Variants in GLIS3 observed in about 807,000 individuals in gnomAD.
The protein encoded by GLIS3 is zinc finger protein GLIS3.
A neutral mutation model predicts 78.6 loss-of-function variants in GLIS3; 53 were observed. The ratio of observed to expected loss-of-function variants is 0.67; its 90% CI spans 0.54 to 0.85. GLIS3 has a LOEUF of 0.85. Ranked by LOEUF, GLIS3 falls within the 40% of genes least tolerant of loss-of-function variation. GLIS3 has a pLI of 0.00. For missense variants in GLIS3, 1,703 were observed against 1,231.1 expected, an observed-to-expected ratio of 1.38 and a Z score of -5.74; for synonymous variants, 684 against 509.9, an observed-to-expected ratio of 1.34 and a Z score of -4.60.
At chr9:4,087,305 C>T (rs767561776) in intron 4 of GLIS3, among the ~76,000 whole-genome samples, 10 of 152,086 alleles carry the variant, frequency 6.6e-5, no homozygotes, top group Non-Finnish European at 4.4e-5. Context: ...TCTCCACTTG[C>T]GGCAAAACAT....
intron 2 of GLIS3, among the ~76,000 whole-genome samples, chr9:4,216,891 T>G (rs1262320277): frequency 6.6e-6 from 1 of 152,204 alleles, no homozygotes; most frequent in African/African-American, 2.4e-5. Context: ...CCTCCTCTCT[T>G]GAATAGCAAA....
chr9:4,262,074 C>A (rs1219212818), intron 2 of GLIS3, among the ~76,000 whole-genome samples: 2 of 151,980 alleles, frequency 1.3e-5, no homozygotes, highest in Non-Finnish European at 2.9e-5. Flanking sequence ...TAGAAAGAGA[C>A]CCGGTCTAGT....
intron 4 of GLIS3, among the ~76,000 whole-genome samples, chr9:4,050,438 G>T (rs993876945): frequency 6.6e-6 from 1 of 152,034 alleles, no homozygotes; most frequent in African/African-American, 2.4e-5. Context: ...CACACACCAG[G>T]GCCTGTTGGT....
chr9:4,350,227 C>T (rs904684719), upstream of GLIS3, among the ~76,000 whole-genome samples: 1 of 152,170 alleles, frequency 6.6e-6, no homozygotes, highest in African/African-American at 2.4e-5. Context: ...GTTTGCTATA[C>T]CCGCAAGGCA....
intron 4 of GLIS3, among the ~76,000 whole-genome samples, chr9:4,028,018 C>G (rs576186638): frequency 1.3e-5 from 2 of 152,292 alleles, no homozygotes; most frequent in South Asian, 4.1e-4. Context: ...ACCAAACCAG[C>G]GCAACCCGGA....
intron 4 of GLIS3, among the ~76,000 whole-genome samples, chr9:4,062,779 A>T (rs1564001702): frequency 6.6e-6 from 1 of 152,156 alleles, no homozygotes. Context: ...TACAAAAAAA[A>T]TTAGCCAGGC....
chr9:4,106,152 C>G (rs554175215), intron 4 of GLIS3, among the ~76,000 whole-genome samples: 1 of 152,148 alleles, frequency 6.6e-6, no homozygotes, highest in Non-Finnish European at 1.5e-5. Flanking sequence ...ACTGCTGAAT[C>G]ACTTGAGATG....
intron 2 of GLIS3, among the ~76,000 whole-genome samples, chr9:4,278,615 C>T (rs1169566621): frequency 2.0e-5 from 3 of 152,224 alleles, no homozygotes; most frequent in East Asian, 3.9e-4. Flanking sequence ...TAGAAGAATA[C>T]CAGCTAATAA....
At chr9:4,305,233 C>T (rs190236207) in intron 4 of GLIS3, 21 of 152,300 alleles carry the variant, frequency 1.4e-4, no homozygotes, top group African/African-American at 3.9e-4. Context: ...TTCCACCAGA[C>T]ATGTATTTGT....
In GLIS3 at chr9:3,828,405, T is replaced by C. The variant is rs753509344; in HGVS notation, c.2660A>G (p.Tyr887Cys). 1.9e-6 allele frequency: 3 copies of C among 1,612,926 alleles called. No homozygotes were observed. In the African/African-American group the frequency reaches 4.0e-5, roughly 22 times the overall value. ...AFSTHSGITV[Y>C]DLPSSSSSLF... ...GCTCGAGGAACTTGAAGGTAAATCA[T>C]ACACTGGAAGAGAAAGAACGCAGTT... The change falls in exon 11 of 11, where the codon TAT becomes TGT. Residue 887 changes from tyrosine to cysteine, a missense_variant. Coordinates refer to ENST00000381971, the MANE Select transcript of GLIS3 (RefSeq NM_001042413.2).
chr9:4,127,540 T>C (rs1269295604), intron 2 of GLIS3, among the ~76,000 whole-genome samples: 1 of 152,200 alleles, frequency 6.6e-6, no homozygotes, highest in Non-Finnish European at 1.5e-5. Flanking sequence ...ACACCAAGAA[T>C]AGTAGGTACA....
chr9:3,924,659 G>A (rs1825105593), intron 6 of GLIS3, among the ~76,000 whole-genome samples: 1 of 152,186 alleles, frequency 6.6e-6, no homozygotes, highest in African/African-American at 2.4e-5. Context: ...CTCAACTGAA[G>A]CTGAAAAGGA....
At chr9:4,453,902 C>T in the GLIS3 span, among the ~76,000 whole-genome samples, 5 of 151,958 alleles carry the variant, frequency 3.3e-5, no homozygotes, top group African/African-American at 1.2e-4. Context: ...ATGTAAATGA[C>T]GAGTTGATGG....
chr9:3,946,454 A>T (rs907571874), intron 4 of GLIS3, among the ~76,000 whole-genome samples: 3 of 152,222 alleles, frequency 2.0e-5, no homozygotes, highest in Non-Finnish European at 4.4e-5. Flanking sequence ...GCTCATGATG[A>T]CATCAAATGG....
At chr9:4,351,174 T>A (rs1173947133), upstream of GLIS3, among the ~76,000 whole-genome samples, 1 of 151,834 alleles carries the variant, frequency 6.6e-6, no homozygotes, top group African/African-American at 2.4e-5. Context: ...ACACAGGAGG[T>A]GGAGGTTGCA....
chr9:4,017,580 G>A (rs1191619009), intron 4 of GLIS3, among the ~76,000 whole-genome samples: 3 of 152,186 alleles, frequency 2.0e-5, no homozygotes, highest in Non-Finnish European at 2.9e-5. Context: ...TCTTCCCAGA[G>A]TAGAGATGAT....
intron 4 of GLIS3, among the ~76,000 whole-genome samples, chr9:3,951,013 C>G (rs1816646395): frequency 6.6e-6 from 1 of 152,186 alleles, no homozygotes; most frequent in South Asian, 2.1e-4. Context: ...ACCCTCAGGT[C>G]TGGAGACCAA....
chr9:4,312,350 C>T (rs1342300876), intron 2 of GLIS3, among the ~76,000 whole-genome samples: 2 of 152,048 alleles, frequency 1.3e-5, no homozygotes, highest in South Asian at 4.2e-4. Context: ...CACCTGTAAT[C>T]CCAGCTACTG....
chr9:3,885,871 A>G (rs2120972), intron 7 of GLIS3, among the ~76,000 whole-genome samples: 29,483 of 152,156 alleles, frequency 0.19, 2,919 homozygotes, highest in African/African-American at 0.21. Context: ...AATGTGAGAC[A>G]GATAGACCTG....
Sources: allele counts gnomAD v4.1 joint callset (sites outside exome capture counted in the v4.1 genomes callset), GRCh38; gene constraint gnomAD v4.1.1; transcripts MANE v1.5; gene names NCBI Gene and HGNC (gene_info 2026-07-23, HGNC 2026-07-21).